LDLRAD3: variants seen among roughly 807,000 people sequenced by gnomAD.
LDLRAD3 encodes low density lipoprotein receptor class A domain containing 3.
In LDLRAD3, 20 loss-of-function variants were observed where a neutral mutation model predicts 29.4. The observed-to-expected ratio is 0.68, with a 90% CI of 0.48 to 0.99. LDLRAD3 has a LOEUF of 0.99. LDLRAD3 is among the 50% of genes least tolerant of loss of function. The pLI, the probability that LDLRAD3 is intolerant of heterozygous loss-of-function variation, is 0.00. For synonymous variants in LDLRAD3, 157 were observed against 192.7 expected (o/e 0.81, Z 1.53); for missense variants, 420 against 454.3 (o/e 0.92, Z 0.69).
At chr11:36,158,251 G>A (rs913554397) in intron 4 of LDLRAD3, among the ~76,000 whole-genome samples, 43 of 152,092 alleles carry the variant, frequency 2.8e-4, no homozygotes, top group African/African-American at 9.9e-4. Flanking sequence ...GTCACTGTCC[G>A]GGGGTAATTC....
intron 5 of LDLRAD3, 36 bp downstream of exon 5, chr11:36,227,466 G>A: frequency 1.4e-6 from 2 of 1,450,964 alleles, no homozygotes; most frequent in Non-Finnish European, 1.9e-6. Flanking sequence ...GGCGGGAGAG[G>A]TCATCCATTG....
intron 4 of LDLRAD3, among the ~76,000 whole-genome samples, chr11:36,139,185 A>C (rs765405145): frequency 3.3e-5 from 5 of 152,160 alleles, no homozygotes; most frequent in Non-Finnish European, 7.3e-5. Flanking sequence ...TCTGAGGTCT[A>C]TCCATTAGAT....
intron 1 of LDLRAD3, among the ~76,000 whole-genome samples, chr11:35,991,664 T>C (rs1030736646): frequency 6.6e-6 from 1 of 152,202 alleles, no homozygotes; most frequent in African/African-American, 2.4e-5. Context: ...CACGGGGATG[T>C]TCCTAGTGTC....
intron 4 of LDLRAD3, among the ~76,000 whole-genome samples, chr11:36,140,314 G>T (rs1438629341): frequency 1.3e-5 from 2 of 152,208 alleles, no homozygotes; most frequent in Non-Finnish European, 2.9e-5. Flanking sequence ...GGCCTGTGTA[G>T]AAGAGGATGC....
At chr11:36,000,906 G>A (rs1398902703) in intron 1 of LDLRAD3, among the ~76,000 whole-genome samples, 3 of 152,044 alleles carry the variant, frequency 2.0e-5, no homozygotes, top group Non-Finnish European at 4.4e-5. Flanking sequence ...TGCTTCAGAG[G>A]GTCCCCAGGG....
intron 1 of LDLRAD3, among the ~76,000 whole-genome samples, chr11:35,992,932 A>G (rs1851707828): frequency 6.6e-6 from 1 of 152,186 alleles, no homozygotes; most frequent in African/African-American, 2.4e-5. Context: ...GTGAATCAAA[A>G]CATACCCTTC....
chr11:36,098,220 A>C, intron 3 of LDLRAD3, 107 bp from the exon 4 acceptor site: 4 of 1,354,626 alleles, frequency 3.0e-6, no homozygotes, highest in East Asian at 2.3e-5. Context: ...TTAGAAGATA[A>C]GCTTACTGCT....
intron 4 of LDLRAD3, among the ~76,000 whole-genome samples, chr11:36,178,246 T>G (rs993479707): frequency 1.3e-5 from 2 of 152,190 alleles, no homozygotes; most frequent in Admixed American, 1.3e-4. Context: ...TGCCTCCAAC[T>G]CTATGGAGAA....
At chr11:36,063,744 C>T (rs937871521) in intron 2 of LDLRAD3, among the ~76,000 whole-genome samples, 1 of 152,202 alleles carries the variant, frequency 6.6e-6, no homozygotes, top group African/African-American at 2.4e-5. Flanking sequence ...TTTCTAGACA[C>T]TCAATTTTAT....
chr11:36,109,218 CTT>C (rs1241530502), intron 4 of LDLRAD3, among the ~76,000 whole-genome samples: 2 of 152,142 alleles, frequency 1.3e-5, no homozygotes, highest in African/African-American at 2.4e-5. Context: ...AGGAGAGAAT[CTT>C]TGTCATGGAC....
chr11:36,209,723 T>C (rs1855258751), intron 4 of LDLRAD3, among the ~76,000 whole-genome samples: 1 of 152,204 alleles, frequency 6.6e-6, no homozygotes, highest in African/African-American at 2.4e-5. Flanking sequence ...AATTAAATTT[T>C]AAAAAAGGAG....
intron 4 of LDLRAD3, among the ~76,000 whole-genome samples, chr11:36,144,231 C>T (rs1465355111): frequency 6.6e-6 from 1 of 151,846 alleles, no homozygotes; most frequent in Non-Finnish European, 1.5e-5. Context: ...TCACTCAGTG[C>T]TCAATGGTGC....
intron 3 of LDLRAD3, among the ~76,000 whole-genome samples, chr11:36,090,050 G>A (rs1379717236): frequency 1.3e-5 from 2 of 152,126 alleles, no homozygotes; most frequent in African/African-American, 2.4e-5. Context: ...AGGACATTGA[G>A]GCTTAGAGAA....
At chr11:35,998,923 G>A (rs1315814907) in intron 1 of LDLRAD3, among the ~76,000 whole-genome samples, 4 of 152,304 alleles carry the variant, frequency 2.6e-5, no homozygotes, top group African/African-American at 7.2e-5. Flanking sequence ...TGGGAGAGTC[G>A]TTCAGGCAGA....
intron 4 of LDLRAD3, among the ~76,000 whole-genome samples, chr11:36,157,184 T>C (rs900671619): frequency 6.6e-6 from 1 of 152,074 alleles, no homozygotes; most frequent in Non-Finnish European, 1.5e-5. Flanking sequence ...GCTGATGGGG[T>C]CTCCAGATTG....
intron 1 of LDLRAD3, among the ~76,000 whole-genome samples, chr11:36,034,205 T>A (rs1852275666): frequency 6.6e-6 from 1 of 152,202 alleles, no homozygotes; most frequent in South Asian, 2.1e-4. Flanking sequence ...TTCAATGACC[T>A]TTTAAAGTTA....
intron 1 of LDLRAD3, among the ~76,000 whole-genome samples, chr11:36,004,507 G>A (rs262415): frequency 0.75 from 114,822 of 152,126 alleles, 46,844 homozygotes; most frequent in Non-Finnish European, 0.91. Context: ...AGCCCCCATG[G>A]CAGCTTTCAC....
intron 2 of LDLRAD3, among the ~76,000 whole-genome samples, chr11:36,045,804 T>TTG (rs1852441915): frequency 6.6e-6 from 1 of 152,124 alleles, no homozygotes; most frequent in South Asian, 2.1e-4. Context: ...GGTAAGTTCT[T>TTG]TTTAAATTTT....
At chr11:36,201,758 G>A (rs1404100264) in intron 4 of LDLRAD3, among the ~76,000 whole-genome samples, 1 of 152,236 alleles carries the variant, frequency 6.6e-6, no homozygotes, top group East Asian at 1.9e-4. Flanking sequence ...CAAACTATTA[G>A]CAAAGTCTTT....
Sources: allele counts gnomAD v4.1 joint callset (sites outside exome capture counted in the v4.1 genomes callset), GRCh38; gene constraint gnomAD v4.1.1; transcripts MANE v1.5; gene names NCBI Gene and HGNC (gene_info 2026-07-23, HGNC 2026-07-21).